Variants in RAP1GDS1 observed in about 807,000 individuals in gnomAD.
RAP1GDS1 encodes the protein Rap1 GTPase-GDP dissociation stimulator 1, also known as RAP1, GTP-GDP dissociation stimulator 1.
A neutral mutation model predicts 71.1 loss-of-function variants in RAP1GDS1; 35 were observed. That is an observed-to-expected ratio of 0.49 (90% confidence interval 0.38 to 0.65). The LOEUF (loss-of-function observed/expected upper bound fraction) is 0.65. RAP1GDS1 is among the 30% of genes least tolerant of loss of function. The probability of loss-of-function intolerance (pLI) is 0.00; values close to 1 mark genes in which losing one functional copy is unlikely to be tolerated. For synonymous variants in RAP1GDS1, 229 were observed against 243.1 expected (o/e 0.94, Z 0.54); for missense variants, 663 against 706.1 (o/e 0.94, Z 0.69).
chr4:98,315,354 G>C (rs1292538201), intron 2 of RAP1GDS1, among the ~76,000 whole-genome samples: 1 of 151,960 alleles, frequency 6.6e-6, no homozygotes, highest in Non-Finnish European at 1.5e-5. Flanking sequence ...CACTTTCCTT[G>C]GATGATCTCA....
At chr4:98,284,664 A>G (rs1003204958) in intron 1 of RAP1GDS1, among the ~76,000 whole-genome samples, 3 of 152,196 alleles carry the variant, frequency 2.0e-5, no homozygotes, top group African/African-American at 7.2e-5. Flanking sequence ...ATTAGAATGC[A>G]GCAGAAGGGA....
intron 1 of RAP1GDS1, among the ~76,000 whole-genome samples, chr4:98,284,777 G>A (rs1236333787): frequency 2.6e-5 from 4 of 152,146 alleles, no homozygotes; most frequent in Non-Finnish European, 4.4e-5. Context: ...CCGAGTACCT[G>A]GAGGTTGCTG....
At chr4:98,277,831 G>T (rs1724454808) in intron 1 of RAP1GDS1, among the ~76,000 whole-genome samples, 1 of 152,220 alleles carries the variant, frequency 6.6e-6, no homozygotes, top group Non-Finnish European at 1.5e-5. Context: ...AATAGAGTTT[G>T]TCAGGCAGCA....
In RAP1GDS1 at chr4:98,364,139, A is replaced by G. The variant is rs374452247; in HGVS notation, c.361+11538A>G. Among the ~76,000 whole-genome samples, 22 of 152,282 alleles carry G rather than the reference A, an allele frequency of 1.4e-4. 1 individual carries two copies. In the South Asian group the frequency reaches 4.6e-3, roughly 32 times the overall value. The stretch of plus-strand genomic sequence containing the variant: ...ACATAGGCGATTTCTATATCTTTAT[A>G]TTCTTTTACCTTTGGGGAATAAATA... On this transcript the variant is annotated intron_variant, in intron 4 of 14. Coordinates refer to ENST00000408927, the MANE Select transcript of RAP1GDS1 (RefSeq NM_001100427.2).
Position 98,416,815 on chromosome 4 carries a change from G to A in RAP1GDS1, c.834G>A (p.Val278=). The A allele has an allele frequency of 1.2e-6, 2 of 1,613,580 alleles. No individual in the cohort carries two copies. The highest frequency in any genetic ancestry group is 1.7e-6 in the Non-Finnish European group (2 of 1,179,544). The change falls in exon 8 of 15, where the codon GTG becomes GTA. Residue 278 remains valine (V), a synonymous_variant. Transcript: ENST00000408927. ...TACTAGAGATTGTTCAGCAAAAAGTGGATAGTGACAAAGAAGATGATATTA... is the reference window on the plus strand; with the variant it reads ...TACTAGAGATTGTTCAGCAAAAAGTAGATAGTGACAAAGAAGATGATATTA... ...ECLLEIVQQK[V]DSDKEDDITE... is the part of the protein sequence containing the mutation.
In RAP1GDS1 at chr4:98,404,566, A is replaced by G. The variant is rs1416613872; in HGVS notation, c.727A>G (p.Met243Val). ...ACAAATAGAACATGATAAGAGAGAAATGATTTTTGAAGTTCTTGCTCCATT... is the reference window on the plus strand; with the variant it reads ...ACAAATAGAACATGATAAGAGAGAAGTGATTTTTGAAGTTCTTGCTCCATT... ...KKQIEHDKRE[M>V]IFEVLAPLAE... The change falls in exon 7 of 15, where the codon ATG (methionine) becomes GTG (valine). Residue 243 changes from methionine (M) to valine (V), a missense_variant. By Grantham distance (21) the Met-to-Val change is conservative (BLOSUM62 1). Transcript: ENST00000408927. 2 of 1,602,984 alleles carry G rather than the reference A, an allele frequency of 1.2e-6. No individual in the cohort carries two copies. The highest frequency in any genetic ancestry group is 1.7e-5 in the Admixed American group (1 of 57,648).
intron 14 of RAP1GDS1, among the ~76,000 whole-genome samples, chr4:98,439,483 GT>G: frequency 6.6e-6 from 1 of 152,146 alleles, no homozygotes; most frequent in East Asian, 1.9e-4. Flanking sequence ...AGTTTTGACT[GT>G]TACTTCTTCA....
chr4:98,261,594 A>G (rs1204505504), intron 1 of RAP1GDS1, 25 bp downstream of exon 1: 13 of 1,596,196 alleles, frequency 8.1e-6, no homozygotes, highest in Non-Finnish European at 1.1e-5. Context: ...CTCCGCCGTC[A>G]TCGCCTGACA....
rs1752122368 is a variant in RAP1GDS1, at chr4:98,443,535, G to A, written c.*1418G>A. On this transcript the variant is annotated 3_prime_UTR_variant, in exon 15 of 15. Transcript: ENST00000408927. ...GACAGTAGAAAGGGCTGCCACGGAGGTGACAGTAGCTCCTTCCTCTCCAAC... is the reference window on the plus strand; with the variant it reads ...GACAGTAGAAAGGGCTGCCACGGAGATGACAGTAGCTCCTTCCTCTCCAAC... The A allele has an allele frequency of 4.4e-6, 1 of 227,214 alleles. No homozygotes were observed. Among genetic ancestry groups the A allele is most frequent in the African/African-American group, 2.2e-5 (1 of 44,980 alleles). The allele number at this position is 227,214 out of a possible 1,614,324, so 14.1% of individuals were successfully genotyped here. A position where few individuals can be genotyped will look rare whatever the true frequency, so the allele number is the denominator to read the frequency against.
chr4:98,322,451 A>G (rs992581934), intron 2 of RAP1GDS1, among the ~76,000 whole-genome samples: 1 of 120,150 alleles, frequency 8.3e-6, no homozygotes, highest in Non-Finnish European at 1.7e-5. Context: ...CTCCACCCCA[A>G]ATCAGCAGAA....
intron 12 of RAP1GDS1, among the ~76,000 whole-genome samples, chr4:98,427,381 A>G (rs1382779011): frequency 1.3e-5 from 2 of 152,174 alleles, no homozygotes; most frequent in Non-Finnish European, 2.9e-5. Context: ...CAGACAAGAG[A>G]AAGAAATAAA....
At chr4:98,300,282 C>T (rs1390387622) in intron 2 of RAP1GDS1, among the ~76,000 whole-genome samples, 1 of 152,196 alleles carries the variant, frequency 6.6e-6, no homozygotes, top group Non-Finnish European at 1.5e-5. Flanking sequence ...TTACTGAAGG[C>T]TCAGATGATC....
At chr4:98,378,884 T>A (rs1455785298) in intron 4 of RAP1GDS1, 133 bp from the exon 5 acceptor site, 4 of 830,630 alleles carry the variant, frequency 4.8e-6, no homozygotes, top group South Asian at 4.4e-5. Context: ...TGAAAAGACA[T>A]ATTTAATGTC....
At chr4:98,262,235 C>T (rs1006313199) in intron 1 of RAP1GDS1, among the ~76,000 whole-genome samples, 15 of 152,174 alleles carry the variant, frequency 9.9e-5, no homozygotes, top group Admixed American at 3.9e-4. Flanking sequence ...GCAATATTCC[C>T]GTGCCCAGCC....
intron 4 of RAP1GDS1, among the ~76,000 whole-genome samples, chr4:98,353,180 A>G (rs926910880): frequency 6.6e-6 from 1 of 152,204 alleles, no homozygotes; most frequent in Non-Finnish European, 1.5e-5. Context: ...ATATTGTAAC[A>G]GCGTTAACAA....
At chr4:98,274,841 A>G (rs569073672) in intron 1 of RAP1GDS1, among the ~76,000 whole-genome samples, 6 of 152,212 alleles carry the variant, frequency 3.9e-5, no homozygotes, top group African/African-American at 1.2e-4. Context: ...GAATGTTAGT[A>G]TTGCTCCCAG....
chr4:98,441,579 T>C, intron 14 of RAP1GDS1: 1 of 985,150 alleles, frequency 1.0e-6, no homozygotes, highest in Non-Finnish European at 1.2e-6. Context: ...TCTTACATTG[T>C]AGAACTTGAC....
chr4:98,269,173 CAAAAAAAAA>C (rs56015226), intron 1 of RAP1GDS1, among the ~76,000 whole-genome samples: 1 of 56,876 alleles, frequency 1.8e-5, no homozygotes, highest in South Asian at 7.6e-4. Flanking sequence ...AATTGATCTT[CAAAAAAAAA>C]AAAAAAAAAA....
chr4:98,330,173 G>T (rs1235164293), intron 2 of RAP1GDS1, among the ~76,000 whole-genome samples: 2 of 152,142 alleles, frequency 1.3e-5, no homozygotes, highest in African/African-American at 2.4e-5. Context: ...CAAGGCAGAA[G>T]AATTTTTCTT....
Sources: gnomAD v4.1 joint callset for allele counts (sites outside exome capture counted in the v4.1 genomes callset) on GRCh38, gnomAD v4.1.1 for gene constraint, MANE v1.5 for transcripts, NCBI Gene and HGNC (gene_info 2026-07-23, HGNC 2026-07-21) for gene names.